Variants in ABI2 observed in about 807,000 individuals in gnomAD.
ABI2 encodes abl interactor 2, also known as abelson interactor 2.
ABI2 carries 25 observed loss-of-function variants against 59.2 expected under a neutral mutation model. The ratio of observed to expected loss-of-function variants is 0.42; its 90% CI spans 0.31 to 0.59. The LOEUF (loss-of-function observed/expected upper bound fraction) is 0.59, where lower values mean the gene tolerates loss of function less well. ABI2 is among the 20% of genes least tolerant of loss of function. ABI2 has a pLI of 0.14. For synonymous variants in ABI2, 213 were observed against 235.5 expected (o/e 0.90, Z 0.87); for missense variants, 545 against 681.8 (o/e 0.80, Z 2.23).
chr2:203,426,042 G>A (rs528341933), intron 11 of ABI2, among the ~76,000 whole-genome samples: 8 of 150,206 alleles, frequency 5.3e-5, no homozygotes, highest in African/African-American at 2.0e-4. Context: ...AAAAAATTCT[G>A]GTGTTCCTAC....
At position 203,430,275 on chromosome 2, in the gene ABI2, T is replaced by C. The variant is rs1251031811; in HGVS notation, c.*2923T>C. On this transcript the variant is annotated 3_prime_UTR_variant, in exon 12 of 12. Transcript: ENST00000261018. ...AATGCAGAAAATCTTACATGCTGTG[T>C]ACTATTAATATTATAACAGACGATC... 6.6e-6 allele frequency: 1 copy of C among 152,198 alleles called. No homozygotes were observed. The highest frequency in any genetic ancestry group is 1.5e-5 in the Non-Finnish European group (1 of 68,030). 9.4% of individuals were successfully genotyped at this position (152,198 alleles called of 1,614,324 possible).
At chr2:203,365,601 C>T (rs146171736) in intron 1 of ABI2, among the ~76,000 whole-genome samples, 430 of 144,712 alleles carry the variant, frequency 3.0e-3, no homozygotes, top group African/African-American at 0.01. Context: ...TCTCAGGCTA[C>T]GTGTTTTCTG....
intron 1 of ABI2, among the ~76,000 whole-genome samples, chr2:203,351,402 T>C (rs962577745): frequency 3.9e-5 from 6 of 152,222 alleles, no homozygotes; most frequent in African/African-American, 9.6e-5. Context: ...AGTAATTATA[T>C]TGAATCTGTA....
rs1487906504 is a variant in ABI2, at chr2:203,384,298, T to G, written c.480+2092T>G. ...CTCTTGTTTTTGTTTTTGTTTTTTT[T>G]TTTTTTTTTTTTTTTTTTTTTTTTT... On this transcript the variant is annotated intron_variant, in intron 4 of 11. Transcript: ENST00000261018. 8.2e-4 allele frequency among the ~76,000 whole-genome samples: 105 copies of G among 128,048 alleles called. 1 individual carries two copies. The highest frequency in any genetic ancestry group is 2.7e-3 in the African/African-American group (93 of 34,200). 84.0% of individuals were successfully genotyped at this position (128,048 alleles called of 152,430 possible). A position where few individuals can be genotyped will look rare whatever the true frequency, so the allele number is the denominator to read the frequency against.
intron 2 of ABI2, among the ~76,000 whole-genome samples, chr2:203,372,500 G>A (rs2095316628): frequency 1.3e-5 from 2 of 151,904 alleles, no homozygotes; most frequent in Non-Finnish European, 2.9e-5. Flanking sequence ...TCCCAGTAGG[G>A]GCGGCCGGGC....
intron 2 of ABI2, chr2:203,376,117 T>C: frequency 1.3e-6 from 2 of 1,534,122 alleles, no homozygotes; most frequent in Non-Finnish European, 1.7e-6. Context: ...ACAATTGCAG[T>C]TTGAGATTGA....
chr2:203,386,899 C>G (rs1388713319), intron 4 of ABI2, among the ~76,000 whole-genome samples: 1 of 152,134 alleles, frequency 6.6e-6, no homozygotes, highest in Non-Finnish European at 1.5e-5. Flanking sequence ...CCTGGCCTCC[C>G]AGAGTGCTGG....
chr2:203,419,836 A>G (rs1580758608), intron 11 of ABI2, among the ~76,000 whole-genome samples: 1 of 152,054 alleles, frequency 6.6e-6, no homozygotes, highest in Admixed American at 6.5e-5. Flanking sequence ...TAAAAGTACA[A>G]AATTAGCTGG....
At chr2:203,401,228 T>C (rs185202496) in intron 8 of ABI2, among the ~76,000 whole-genome samples, 1 of 152,104 alleles carries the variant, frequency 6.6e-6, no homozygotes, top group African/African-American at 2.4e-5. Context: ...TCTCCTCCTT[T>C]TCTCCCTTTC....
At chr2:203,345,115 C>G (rs1182776671) in intron 1 of ABI2, among the ~76,000 whole-genome samples, 2 of 152,216 alleles carry the variant, frequency 1.3e-5, no homozygotes, top group African/African-American at 2.4e-5. Context: ...GTAAATCTTG[C>G]TGCTGCTCAC....
At chr2:203,350,540 C>CTTTTT (rs1213913573) in intron 1 of ABI2, among the ~76,000 whole-genome samples, 1 of 138,756 alleles carries the variant, frequency 7.2e-6, no homozygotes, top group Non-Finnish European at 1.6e-5. Context: ...TCTTTCTTTT[C>CTTTTT]TTTTTTTTTT....
intron 1 of ABI2, among the ~76,000 whole-genome samples, chr2:203,357,642 G>A (rs2092484954): frequency 6.6e-6 from 1 of 152,186 alleles, no homozygotes. Flanking sequence ...TATTTTAAAA[G>A]TGTCATGTTA....
At chr2:203,412,368 A>C (rs1484634602) in intron 10 of ABI2, among the ~76,000 whole-genome samples, 1 of 152,134 alleles carries the variant, frequency 6.6e-6, no homozygotes, top group Admixed American at 6.5e-5. Context: ...TAGCTGACCA[A>C]ATGCCCCCCT....
rs2098475418 is a variant in ABI2 at position 203,430,591 on chromosome 2, A to T, written c.*3239A>T. 1 of 152,192 alleles carries T rather than the reference A, an allele frequency of 6.6e-6. No individual in the cohort carries two copies. The highest frequency in any genetic ancestry group is 1.5e-5 in the Non-Finnish European group (1 of 68,038). The allele number at this position is 152,192 out of a possible 1,614,324, so 9.4% of individuals were successfully genotyped here. ...CAGCCTCCCATTTGGAATAAATATGAATCTTCTAAGCTATCTTGTTTAATA... is the reference window on the plus strand; with the variant it reads ...CAGCCTCCCATTTGGAATAAATATGTATCTTCTAAGCTATCTTGTTTAATA... On this transcript the variant is annotated 3_prime_UTR_variant, in exon 12 of 12. Coordinates refer to ENST00000261018, the MANE Select transcript of ABI2 (RefSeq NM_001375670.1).
At chr2:203,385,378 G>A (rs566231886) in intron 4 of ABI2, among the ~76,000 whole-genome samples, 50 of 151,722 alleles carry the variant, frequency 3.3e-4, no homozygotes, top group African/African-American at 1.2e-3. Context: ...TGATCTGCCC[G>A]CCTCGGCCTC....
intron 9 of ABI2, among the ~76,000 whole-genome samples, chr2:203,403,991 G>A (rs1240342019): frequency 6.6e-6 from 1 of 151,934 alleles, no homozygotes; most frequent in Non-Finnish European, 1.5e-5. Context: ...GACCTTAAGT[G>A]ATTCACCCAC....
rs144049635 is a variant in ABI2 at position 203,331,044 on chromosome 2, G to T, written c.117+2413G>T. Among the ~76,000 whole-genome samples, 234 of 152,218 alleles carry T rather than the reference G, an allele frequency of 1.5e-3. 1 individual carries two copies. The highest frequency in any genetic ancestry group is 5.3e-3 in the African/African-American group (221 of 41,536). On this transcript the variant is annotated intron_variant, in intron 1 of 11. Transcript: ENST00000261018. ...TGATTAATATTAATTTAATAGAAAT[G>T]AACTTAGATTTTAAAATAGTTTATT...
intron 2 of ABI2, among the ~76,000 whole-genome samples, chr2:203,378,118 C>CTT (rs1454045951): frequency 5.6e-5 from 8 of 142,270 alleles, no homozygotes; most frequent in African/African-American, 1.3e-4. Flanking sequence ...CTTTTCTTTT[C>CTT]TTTTTTTTTT....
intron 11 of ABI2, among the ~76,000 whole-genome samples, chr2:203,421,951 T>A (rs1443621010): frequency 8.1e-6 from 1 of 122,926 alleles, no homozygotes; most frequent in Non-Finnish European, 1.6e-5. Flanking sequence ...GGCAACAGAG[T>A]GAGACTCTGT....
Sources: allele counts gnomAD v4.1 joint callset (sites outside exome capture counted in the v4.1 genomes callset), GRCh38; gene constraint gnomAD v4.1.1; transcripts MANE v1.5; gene names NCBI Gene and HGNC (gene_info 2026-07-23, HGNC 2026-07-21).